Variants in SERPINA6 observed in about 807,000 individuals in gnomAD.
The protein encoded by SERPINA6 is serpin family A member 6.
SERPINA6 carries 19 observed loss-of-function variants against 26.4 expected under a neutral mutation model. The ratio of observed to expected loss-of-function variants is 0.72; its 90% CI spans 0.50 to 1.06. SERPINA6 has a LOEUF of 1.06. Ranked by LOEUF, SERPINA6 falls within the 50% of genes least tolerant of loss-of-function variation. The pLI is 0.00. For synonymous variants in SERPINA6, 196 were observed against 199.4 expected (o/e 0.98, Z 0.14); for missense variants, 473 against 504.0 (o/e 0.94, Z 0.59).
Position 94,304,563 on chromosome 14 carries a change from ACACCCTC to A in SERPINA6, c.1066_1072del (p.Glu356TrpfsTer11). The A allele has an allele frequency of 6.2e-7, 1 of 1,614,170 alleles. No individual in the cohort carries two copies. On this transcript the variant is annotated frameshift_variant, in exon 5 of 5. Coordinates refer to ENST00000341584, the MANE Select transcript of SERPINA6 (RefSeq NM_001756.4). LOFTEE classifies it low-confidence loss of function (END_TRUNC). ...GACCCCAGTGGAGCCAGCTGTGTCC[ACACCCTC>A]CTCATTGAGTTGCAGCACAGCTTTA...
Position 94,314,355 on chromosome 14 carries a change from A to C in SERPINA6, c.294T>G (p.Thr98=), listed in dbSNP as rs370298015. ...GGTGGATCTCAGTCTCAGACCTCTCAGTGAGGTTGAAACCCAGGCCCTGGA... is the reference window on the plus strand; with the variant it reads ...GGTGGATCTCAGTCTCAGACCTCTCCGTGAGGTTGAAACCCAGGCCCTGGA... ...QLLQGLGFNL[T]ERSETEIHQG... Residue 98 remains threonine (T), a synonymous_variant, in exon 2 of 5, where the codon ACT becomes ACG. Transcript: ENST00000341584. 6.2e-7 allele frequency: 1 copy of C among 1,614,132 alleles called. No homozygotes were observed. The highest frequency in any genetic ancestry group is 8.5e-7 in the Non-Finnish European group (1 of 1,180,020).
Position 94,304,307 on chromosome 14 carries a change from G to C in SERPINA6, c.*111C>G. ...AAAGTTAGACACAACTCTGGTTGGA[G>C]GGAGAAGAACTTGGAGGAGATTGGG... On this transcript the variant is annotated 3_prime_UTR_variant, in exon 5 of 5. Transcript: ENST00000341584. The C allele has an allele frequency of 1.9e-6, 2 of 1,047,146 alleles. No homozygotes were observed. The highest frequency in any genetic ancestry group is 1.5e-6 in the Non-Finnish European group (1 of 665,624). The allele number at this position is 1,047,146 out of a possible 1,614,324, so 64.9% of individuals were successfully genotyped here. A position where few individuals can be genotyped will look rare whatever the true frequency, so the allele number is the denominator to read the frequency against.
At chr14:94,312,438 G>A (rs1895545136) in intron 2 of SERPINA6, among the ~76,000 whole-genome samples, 1 of 152,204 alleles carries the variant, frequency 6.6e-6, no homozygotes, top group Non-Finnish European at 1.5e-5. Context: ...CCACTGCTGA[G>A]CTTGTTCCAT....
chr14:94,316,973 T>C (rs1895622891), intron 1 of SERPINA6, among the ~76,000 whole-genome samples: 1 of 152,182 alleles, frequency 6.6e-6, no homozygotes, highest in Non-Finnish European at 1.5e-5. Context: ...TCAGACTGAA[T>C]TACATGGCTG....
In SERPINA6 at chr14:94,309,640, G is replaced by A. The variant is rs1179240150; in HGVS notation, c.884+96C>T. 10 of 1,442,542 alleles carry A rather than the reference G, an allele frequency of 6.9e-6. No homozygotes were observed. The East Asian group carries it at 2.0e-4, about 30-fold the overall frequency. The allele number at this position is 1,442,542 out of a possible 1,614,324, so 89.4% of individuals were successfully genotyped here. On this transcript the variant is annotated intron_variant, in intron 3 of 4. Transcript: ENST00000341584. Reference sequence around the variant, plus strand: ...ACTGAGCCCTGGAGGGTGAGTCCAGGGAAGGAAGGATGCCCCAGCATACTC... The same window carrying A: ...ACTGAGCCCTGGAGGGTGAGTCCAGAGAAGGAAGGATGCCCCAGCATACTC...
intron 1 of SERPINA6, chr14:94,314,910 G>A (rs1391025178): frequency 1.7e-6 from 1 of 578,188 alleles, no homozygotes; most frequent in Non-Finnish European, 3.1e-6. Flanking sequence ...AGGTAGTCTG[G>A]CTATATTCAG....
rs1223616119 is a variant in SERPINA6, at chr14:94,308,773, G to A, written c.884+963C>T. Reference sequence around the variant, plus strand: ...GGTGCTTAGGGGGAAAATCTCATTTGTTTGTGCATCTGTCCATCCATCCAA... The same window carrying A: ...GGTGCTTAGGGGGAAAATCTCATTTATTTGTGCATCTGTCCATCCATCCAA... On this transcript the variant is annotated intron_variant, in intron 3 of 4. Coordinates refer to ENST00000341584, the MANE Select transcript of SERPINA6 (RefSeq NM_001756.4). Among the ~76,000 whole-genome samples, 4 of 152,152 alleles carry A rather than the reference G, an allele frequency of 2.6e-5. No homozygotes were observed. The East Asian group carries it at 7.7e-4, about 29-fold the overall frequency.
rs761359516 is a variant in SERPINA6, at chr14:94,306,188, G to C, written c.915C>G (p.Thr305=). The C allele has an allele frequency of 8.7e-6, 14 of 1,614,056 alleles. No individual in the cohort carries two copies. In the South Asian group the frequency reaches 1.2e-4, roughly 14 times the overall value. ...SQVDLYIPKV[T]ISGVYDLGDV... ...CTCCGAGGTCATAGACTCCAGAGAT[G>C]GTGACCTTTGGAATGTACAGGTCCA... Residue 305 remains threonine (T), a synonymous_variant, in exon 4 of 5, where the codon ACC becomes ACG. Coordinates refer to ENST00000341584, the MANE Select transcript of SERPINA6 (RefSeq NM_001756.4).
At chr14:94,313,345 G>A (rs564670476) in intron 2 of SERPINA6, among the ~76,000 whole-genome samples, 2 of 152,292 alleles carry the variant, frequency 1.3e-5, no homozygotes, top group South Asian at 2.1e-4. Context: ...ATTGCTAATC[G>A]GCTGGCCTTG....
At chr14:94,304,922 G>A (rs1357656214) in intron 4 of SERPINA6, among the ~76,000 whole-genome samples, 5 of 152,190 alleles carry the variant, frequency 3.3e-5, no homozygotes, top group Non-Finnish European at 5.9e-5. Flanking sequence ...GGGTAGCGGA[G>A]GGAGATCTTG....
In SERPINA6 at chr14:94,314,149, C is replaced by T. The variant is rs766126799; in HGVS notation, c.500G>A (p.Ser167Asn). ...AMNFQDWATA[S>N]RQINSYVKNK... ...CTTGACATAGCTGTTGATCTGTCTG[C>T]TGGCTGTTGCCCAGTCCTGGAAATT... The change falls in exon 2 of 5, where the codon AGC becomes AAC. Residue 167 changes from serine to asparagine, a missense_variant. Ser to Asn is a conservative substitution (Grantham distance 46). Transcript: ENST00000341584. 6 of 1,614,228 alleles carry T rather than the reference C, an allele frequency of 3.7e-6. No individual in the cohort carries two copies. The South Asian group carries it at 5.5e-5, about 15-fold the overall frequency.
chr14:94,306,003 T>C (rs931235521), intron 4 of SERPINA6, 68 bp downstream of exon 4: 10 of 1,587,722 alleles, frequency 6.3e-6, no homozygotes, highest in Middle Eastern at 1.7e-4. Context: ...TCAGTGCCAC[T>C]TCCTAGTATT....
intron 4 of SERPINA6, among the ~76,000 whole-genome samples, chr14:94,304,936 C>T (rs567249873): frequency 6.6e-6 from 1 of 152,270 alleles, no homozygotes; most frequent in East Asian, 1.9e-4. Context: ...GATCTTGCTC[C>T]CTTTCCACTC....
chr14:94,316,236 GAT>G (rs1895612548), intron 1 of SERPINA6, among the ~76,000 whole-genome samples: 1 of 152,130 alleles, frequency 6.6e-6, no homozygotes, highest in Non-Finnish European at 1.5e-5. Flanking sequence ...TACTTAGTAT[GAT>G]ATCTGTCTTT....
chr14:94,311,970 T>G (rs35087450), intron 2 of SERPINA6, among the ~76,000 whole-genome samples: 31,586 of 151,830 alleles, frequency 0.21, 3,426 homozygotes, highest in Non-Finnish European at 0.25. Flanking sequence ...AATAAATAAA[T>G]AAATAAATAA....
chr14:94,314,075 G>A lies in SERPINA6; in HGVS notation c.574C>T (p.Pro192Ser), dbSNP rs1338852515. 6.2e-7 allele frequency: 1 copy of A among 1,614,152 alleles called. No individual in the cohort carries two copies. Among genetic ancestry groups the A allele is most frequent in the South Asian group, 1.1e-5 (1 of 91,084 alleles). ...IVDLFSGLDS[P>S]AILVLVNYIF... ...TAGTTGACCAGGACGAGGATGGCTG[G>A]GCTATCCAGCCCTGAAAACAAGTCG... The change falls in exon 2 of 5, where the codon CCA (proline) becomes TCA (serine). Residue 192 changes from proline to serine, a missense_variant. Physicochemically the swap from Pro to Ser is moderately conservative, Grantham distance 74. Transcript: ENST00000341584.
chr14:94,309,263 A>T (rs1265919535), intron 3 of SERPINA6, among the ~76,000 whole-genome samples: 1 of 152,154 alleles, frequency 6.6e-6, no homozygotes, highest in Admixed American at 6.6e-5. Flanking sequence ...AGATGCCCTG[A>T]GTAACTTAAG....
At position 94,314,212 on chromosome 14, in the gene SERPINA6, T is replaced by C; in HGVS notation, c.437A>G (p.Asp146Gly). 6.2e-7 allele frequency: 1 copy of C among 1,614,224 alleles called. No homozygotes were observed. The highest frequency in any genetic ancestry group is 1.7e-5 in the Admixed American group (1 of 60,034). The part of the protein sequence containing the change: ...SLELLESFSA[D>G]IKHYYESEVL... Reference sequence around the variant, plus strand: ...CTCTGACTCATAGTAGTGCTTGATGTCTGCTGAGAATGACTCCAGCAACTC... The same window carrying C: ...CTCTGACTCATAGTAGTGCTTGATGCCTGCTGAGAATGACTCCAGCAACTC... The change falls in exon 2 of 5, where the codon GAC becomes GGC. Residue 146 changes from aspartate (D) to glycine (G), a missense_variant. Physicochemically the swap from Asp to Gly is moderately conservative, Grantham distance 94 (BLOSUM62 -1). Coordinates refer to ENST00000341584, the MANE Select transcript of SERPINA6 (RefSeq NM_001756.4).
intron 1 of SERPINA6, among the ~76,000 whole-genome samples, chr14:94,319,052 A>G (rs1223599478): frequency 6.6e-6 from 1 of 152,264 alleles, no homozygotes; most frequent in African/African-American, 2.4e-5. Flanking sequence ...CAGTAAGCAC[A>G]TGAAAAGATG....
Sources: allele counts gnomAD v4.1 joint callset (sites outside exome capture counted in the v4.1 genomes callset), GRCh38; gene constraint gnomAD v4.1.1; transcripts MANE v1.5; gene names NCBI Gene and HGNC (gene_info 2026-07-23, HGNC 2026-07-21).